RPRD1B: variants seen among roughly 807,000 people sequenced by gnomAD.
RPRD1B encodes the protein regulation of nuclear pre-mRNA domain containing 1B.
In RPRD1B, 11 loss-of-function variants were observed where a neutral mutation model predicts 41.5. That is an observed-to-expected ratio of 0.27 (90% CI 0.17 to 0.44). The LOEUF is 0.44. RPRD1B is among the 20% of genes least tolerant of loss of function. The pLI is 1.00. For missense variants in RPRD1B, 248 were observed against 389.9 expected (o/e 0.64, Z 3.06); for synonymous variants, 158 against 155.6 (o/e 1.02, Z -0.12).
At chr20:38,059,837 T>C (rs1446807830) in intron 5 of RPRD1B, among the ~76,000 whole-genome samples, 3 of 152,136 alleles carry the variant, frequency 2.0e-5, no homozygotes, top group African/African-American at 7.2e-5. Context: ...TTAGGTATTA[T>C]TCTGTCTGTT....
chr20:38,072,046 G>T, intron 6 of RPRD1B, among the ~76,000 whole-genome samples: 1 of 152,028 alleles, frequency 6.6e-6, no homozygotes, highest in East Asian at 1.9e-4. Flanking sequence ...TATTTTTGTG[G>T]TTGTTGCTCA....
At chr20:38,068,943 G>A (rs934460077) in intron 6 of RPRD1B, among the ~76,000 whole-genome samples, 3 of 152,100 alleles carry the variant, frequency 2.0e-5, no homozygotes, top group Admixed American at 6.5e-5. Context: ...CAGCCAGTCC[G>A]TTTTAAAACT....
At chr20:38,046,654 A>G (rs960527706) in intron 2 of RPRD1B, among the ~76,000 whole-genome samples, 5 of 152,156 alleles carry the variant, frequency 3.3e-5, no homozygotes, top group Non-Finnish European at 5.9e-5. Context: ...GGAGGAGAGG[A>G]ATTGAGCTGT....
rs763311238 is a variant in RPRD1B at position 38,066,196 on chromosome 20, G to A, written c.771G>A (p.Met257Ile). 3 of 1,614,116 alleles carry A rather than the reference G, an allele frequency of 1.9e-6. No individual in the cohort carries two copies. The highest frequency in any genetic ancestry group is 8.5e-7 in the Non-Finnish European group (1 of 1,180,048). ...AGGACCGTCGCCAGCTGGCTCGGAT[G>A]TTGGTGGAGTATACCCAGAATCAGA... Reference protein sequence around the residue: ...ELEDRRQLARMLVEYTQNQKD... With the variant: ...ELEDRRQLARILVEYTQNQKD... Residue 257 changes from methionine (M) to isoleucine (I), a missense_variant, in exon 6 of 7, where the codon ATG (methionine) becomes ATA (isoleucine). This residue lies in a region of RPRD1B where 93 missense variants were observed against 167.2 expected (regional missense o/e 0.56). Transcript: ENST00000373433.
chr20:38,052,644 T>C (rs2074197441), intron 3 of RPRD1B, among the ~76,000 whole-genome samples: 1 of 152,050 alleles, frequency 6.6e-6, no homozygotes, highest in Admixed American at 6.6e-5. Flanking sequence ...TTTTTTGTTG[T>C]TGTTAACTAG....
chr20:38,063,817 A>G (rs2074325485), intron 5 of RPRD1B, among the ~76,000 whole-genome samples: 1 of 152,184 alleles, frequency 6.6e-6, no homozygotes, highest in South Asian at 2.1e-4. Flanking sequence ...CAGCGTGGGT[A>G]GGTCCCCCGA....
chr20:38,069,537 G>T (rs1430313250), intron 6 of RPRD1B, among the ~76,000 whole-genome samples: 1 of 152,192 alleles, frequency 6.6e-6, no homozygotes. Context: ...TGGGAAGGAG[G>T]TGCTGCAGAC....
rs2074275458 is a variant in RPRD1B at position 38,059,482 on chromosome 20, A to T, written c.617A>T (p.Gln206Leu). 1 of 1,614,022 alleles carries T rather than the reference A, an allele frequency of 6.2e-7. No individual in the cohort carries two copies. Among genetic ancestry groups the T allele is most frequent in the South Asian group, 1.1e-5 (1 of 91,092 alleles). ...TVRQKIASLPQEVQDVSLLEK... is the reference protein window; with the variant it reads ...TVRQKIASLPLEVQDVSLLEK... ...CGACAGAAAATTGCTTCTCTGCCCC[A>T]GGAAGTGCAAGATGTTTCTCTATTG... is the stretch of plus-strand genomic sequence containing the variant. Residue 206 changes from glutamine to leucine, a missense_variant, in exon 5 of 7, where the codon CAG becomes CTG. Physicochemically the swap from Gln to Leu is moderately radical, Grantham distance 113. This residue lies in a region of RPRD1B where 93 missense variants were observed against 167.2 expected (regional missense o/e 0.56). Coordinates refer to ENST00000373433, the MANE Select transcript of RPRD1B (RefSeq NM_021215.4).
At chr20:38,053,492 G>A (rs929103219) in intron 3 of RPRD1B, among the ~76,000 whole-genome samples, 8 of 152,308 alleles carry the variant, frequency 5.3e-5, no homozygotes, top group South Asian at 2.1e-4. Context: ...TGCTCCTGTC[G>A]GAGAAGAACG....
rs1259672562 is a variant in RPRD1B, at chr20:38,073,882, TCTC to T, written c.831+7629_831+7631del. Among the ~76,000 whole-genome samples, 3 of 152,284 alleles carry T rather than the reference TCTC, an allele frequency of 2.0e-5. No homozygotes were observed. In the East Asian group the frequency reaches 5.8e-4, roughly 29 times the overall value. On this transcript the variant is annotated intron_variant, in intron 6 of 6. Coordinates refer to ENST00000373433, the MANE Select transcript of RPRD1B (RefSeq NM_021215.4). ...TAACTACAGTGATCATCCACTGTGT[TCTC>T]CTGGGAGCTGAGAGGCCCTGCCTAG...
chr20:38,088,706 G>A (rs1266471807), intron 6 of RPRD1B, among the ~76,000 whole-genome samples: 1 of 152,248 alleles, frequency 6.6e-6, no homozygotes, highest in Non-Finnish European at 1.5e-5. Context: ...CCTATCATTA[G>A]GGGATTCATA....
chr20:38,059,283 A>C (rs2074273244), intron 4 of RPRD1B, 111 bp from the exon 5 acceptor site: 2 of 1,135,952 alleles, frequency 1.8e-6, no homozygotes, highest in Non-Finnish European at 1.2e-6. Flanking sequence ...TTTTTAAGAA[A>C]TGGCAGGAAT....
rs1180670786 is a variant in RPRD1B, at chr20:38,035,074, A to C, written c.151+976A>C. Among the ~76,000 whole-genome samples, 3 of 152,350 alleles carry C rather than the reference A, an allele frequency of 2.0e-5. No homozygotes were observed. The East Asian group carries it at 5.8e-4, about 29-fold the overall frequency. ...GAACTTTGCAGAAGAGGAAAAACTGAGACTCATCTCGTGGTGAGGAGTAAA... is the reference window on the plus strand; with the variant it reads ...GAACTTTGCAGAAGAGGAAAAACTGCGACTCATCTCGTGGTGAGGAGTAAA... On this transcript the variant is annotated intron_variant, in intron 1 of 6. Transcript: ENST00000373433.
chr20:38,068,942 C>T (rs968163637), intron 6 of RPRD1B, among the ~76,000 whole-genome samples: 10 of 152,130 alleles, frequency 6.6e-5, no homozygotes, highest in African/African-American at 1.4e-4. Context: ...ACAGCCAGTC[C>T]GTTTTAAAAC....
chr20:38,033,767 G>C lies in RPRD1B; in HGVS notation c.-181G>C, dbSNP rs533745171. ...AGAGGTCGGGTGGCCATCTTGTGGC[G>C]GCGGCGCGGGCGGCTGTTACTGCGG... On this transcript the variant is annotated 5_prime_UTR_variant, in exon 1 of 7. Coordinates refer to ENST00000373433, the MANE Select transcript of RPRD1B (RefSeq NM_021215.4). 3.8e-5 allele frequency: 22 copies of C among 586,360 alleles called. No homozygotes were observed. The East Asian group carries it at 6.9e-4, about 18-fold the overall frequency. 36.3% of individuals were successfully genotyped at this position (586,360 alleles called of 1,614,324 possible).
At chr20:38,040,715 G>A (rs1431732577) in intron 2 of RPRD1B, 151 bp downstream of exon 2, 1 of 747,358 alleles carries the variant, frequency 1.3e-6, no homozygotes, top group Non-Finnish European at 2.1e-6. Context: ...GTTTTGTTGA[G>A]CCCTCAAGAA....
At chr20:38,065,203 G>A (rs1490648472) in intron 5 of RPRD1B, among the ~76,000 whole-genome samples, 1 of 152,188 alleles carries the variant, frequency 6.6e-6, no homozygotes, top group Non-Finnish European at 1.5e-5. Context: ...CATAGTTTAA[G>A]AGATAGAGTG....
Position 38,092,108 on chromosome 20 carries a change from T to C in RPRD1B, c.*2233T>C. ...GTGACTTGGTGGGTGGGGTGGGTGG[T>C]TTTTGTTTTTGTGTTTTTTCTTTCT... is the stretch of plus-strand genomic sequence containing the variant. On this transcript the variant is annotated 3_prime_UTR_variant, in exon 7 of 7. Coordinates refer to ENST00000373433, the MANE Select transcript of RPRD1B (RefSeq NM_021215.4). The C allele has an allele frequency of 1.0e-6, 1 of 985,670 alleles. No homozygotes were observed. Among genetic ancestry groups the C allele is most frequent in the South Asian group, 4.7e-5 (1 of 21,284 alleles). 61.1% of individuals were successfully genotyped at this position (985,670 alleles called of 1,614,324 possible).
At chr20:38,057,775 C>T in intron 4 of RPRD1B, 131 bp downstream of exon 4, 1 of 609,358 alleles carries the variant, frequency 1.6e-6, no homozygotes, top group Non-Finnish European at 3.0e-6. Flanking sequence ...GGGCCCCGTG[C>T]ATCATCCTGC....
Sources: allele counts gnomAD v4.1 joint callset (sites outside exome capture counted in the v4.1 genomes callset), GRCh38; gene constraint gnomAD v4.1.1; regional missense constraint gnomAD v4.1.1; transcripts MANE v1.5; gene names NCBI Gene and HGNC (gene_info 2026-07-23, HGNC 2026-07-21).